Variants in CNTNAP5 observed in about 807,000 individuals in gnomAD.
CNTNAP5 encodes the protein contactin-associated protein-like 5.
A neutral mutation model predicts 150.2 loss-of-function variants in CNTNAP5; 72 were observed. That is an observed-to-expected ratio of 0.48 (90% CI 0.40 to 0.58). The LOEUF is 0.58. Among genes scored for constraint, CNTNAP5 ranks in the 20% least tolerant of loss-of-function variants. The pLI is 0.00. For missense variants in CNTNAP5, 1,636 were observed against 1,626.2 expected, an observed-to-expected ratio of 1.01 and a Z score of -0.10; for synonymous variants, 672 against 619.8, an observed-to-expected ratio of 1.08 and a Z score of -1.25.
intron 1 of CNTNAP5, among the ~76,000 whole-genome samples, chr2:124,173,853 T>C (rs147007397): frequency 1.3e-5 from 2 of 152,324 alleles, no homozygotes; most frequent in African/African-American, 4.8e-5. Flanking sequence ...AGGACTTTCA[T>C]AGCTAGAGAG....
chr2:124,837,954 A>C (rs1682863887), intron 19 of CNTNAP5, among the ~76,000 whole-genome samples: 1 of 152,120 alleles, frequency 6.6e-6, no homozygotes, highest in Non-Finnish European at 1.5e-5. Context: ...TGGAGCTCTT[A>C]AATGTGGTGC....
chr2:124,355,391 C>T (rs552340395), intron 3 of CNTNAP5, among the ~76,000 whole-genome samples: 1 of 152,168 alleles, frequency 6.6e-6, no homozygotes, highest in South Asian at 2.1e-4. Context: ...TTACCCTAAA[C>T]TTTCACAAGG....
chr2:124,170,135 A>T (rs1684895994), intron 1 of CNTNAP5, among the ~76,000 whole-genome samples: 1 of 152,202 alleles, frequency 6.6e-6, no homozygotes, highest in Admixed American at 6.5e-5. Flanking sequence ...GGACCACTAA[A>T]GGATGACACA....
intron 12 of CNTNAP5, among the ~76,000 whole-genome samples, chr2:124,630,350 C>G (rs897185651): frequency 3.9e-5 from 6 of 152,192 alleles, no homozygotes; most frequent in African/African-American, 1.4e-4. Flanking sequence ...CCAAACCCAG[C>G]AGCACATCAA....
intron 1 of CNTNAP5, among the ~76,000 whole-genome samples, chr2:124,037,027 A>G (rs1218146402): frequency 6.6e-6 from 1 of 152,216 alleles, no homozygotes; most frequent in Non-Finnish European, 1.5e-5. Flanking sequence ...GAAAACCCTC[A>G]TGTGTCTAGA....
At chr2:124,674,515 C>CTT (rs1553430177) in intron 13 of CNTNAP5, among the ~76,000 whole-genome samples, 2 of 102,874 alleles carry the variant, frequency 1.9e-5, no homozygotes, top group Non-Finnish European at 3.9e-5. Context: ...CTTTCTCTTT[C>CTT]TTTCTTTCTT....
chr2:124,230,567 TG>T (rs1378957327), intron 2 of CNTNAP5, among the ~76,000 whole-genome samples: 1 of 151,854 alleles, frequency 6.6e-6, no homozygotes, highest in Non-Finnish European at 1.5e-5. Flanking sequence ...AGTCTCACTC[TG>T]TCACCCAGGC....
intron 3 of CNTNAP5, among the ~76,000 whole-genome samples, chr2:124,366,791 A>G (rs1690383180): frequency 6.6e-6 from 1 of 152,188 alleles, no homozygotes; most frequent in African/African-American, 2.4e-5. Context: ...AAATTGAGAA[A>G]AGAGGGCTGA....
intron 2 of CNTNAP5, among the ~76,000 whole-genome samples, chr2:124,226,554 C>T (rs1181284469): frequency 1.3e-5 from 2 of 151,808 alleles, no homozygotes; most frequent in East Asian, 3.9e-4. Flanking sequence ...TGATAGTTTG[C>T]CTTTTAATTT....
intron 3 of CNTNAP5, among the ~76,000 whole-genome samples, chr2:124,404,325 C>A (rs1380373028): frequency 6.6e-6 from 1 of 152,210 alleles, no homozygotes; most frequent in Non-Finnish European, 1.5e-5. Flanking sequence ...CACCGGGATA[C>A]TTGTAATCTC....
At chr2:124,799,219 G>T (rs1333850248) in intron 19 of CNTNAP5, among the ~76,000 whole-genome samples, 1 of 152,050 alleles carries the variant, frequency 6.6e-6, no homozygotes, top group African/African-American at 2.4e-5. Context: ...AAAGCATTTG[G>T]ACAAAATGTA....
intron 18 of CNTNAP5, among the ~76,000 whole-genome samples, chr2:124,795,105 C>G (rs1406711136): frequency 6.6e-6 from 1 of 152,176 alleles, no homozygotes; most frequent in Non-Finnish European, 1.5e-5. Context: ...ATTATTAAAA[C>G]CAGCTACTGT....
At chr2:124,486,046 G>A (rs1693873336) in intron 7 of CNTNAP5, among the ~76,000 whole-genome samples, 1 of 152,086 alleles carries the variant, frequency 6.6e-6, no homozygotes, top group African/African-American at 2.4e-5. Context: ...AAAAAATATA[G>A]AACCAGCCTA....
rs771853787 is a variant in CNTNAP5 at position 124,914,084 on chromosome 2, C to T, written c.3728-8C>T. 3.1e-6 allele frequency: 5 copies of T among 1,600,342 alleles called. No individual in the cohort carries two copies. The Admixed American group carries it at 8.4e-5, about 27-fold the overall frequency. On this transcript the variant is annotated splice_region_variant and splice_polypyrimidine_tract_variant and intron_variant, in intron 23 of 23. Transcript: ENST00000682447. ...TTCCTTCTCTCTTTCCTTCCCCTTTCTCTCCAGGGGTGATAGCAGTGGTGA... is the reference window on the plus strand; with the variant it reads ...TTCCTTCTCTCTTTCCTTCCCCTTTTTCTCCAGGGGTGATAGCAGTGGTGA...
chr2:124,827,676 A>T (rs752925102), intron 19 of CNTNAP5, among the ~76,000 whole-genome samples: 2 of 152,184 alleles, frequency 1.3e-5, no homozygotes, highest in Non-Finnish European at 2.9e-5. Context: ...CTACTAGTTC[A>T]GTGTTTGTTT....
intron 1 of CNTNAP5, among the ~76,000 whole-genome samples, chr2:124,201,111 A>G (rs1685717032): frequency 6.6e-6 from 1 of 151,940 alleles, no homozygotes; most frequent in African/African-American, 2.4e-5. Flanking sequence ...GAATTTAATT[A>G]CTCCTCATTT....
chr2:124,664,949 A>G (rs992997765), intron 13 of CNTNAP5, among the ~76,000 whole-genome samples: 3 of 152,192 alleles, frequency 2.0e-5, no homozygotes, highest in Non-Finnish European at 4.4e-5. Context: ...GGCCTCCCAA[A>G]GTGCTGGGAT....
At chr2:124,092,920 G>C (rs1473658441) in intron 1 of CNTNAP5, among the ~76,000 whole-genome samples, 1 of 152,206 alleles carries the variant, frequency 6.6e-6, no homozygotes, top group African/African-American at 2.4e-5. Flanking sequence ...AGAAAGATTA[G>C]CAGTAAGTAT....
intron 11 of CNTNAP5, among the ~76,000 whole-genome samples, chr2:124,608,837 C>T (rs544786422): frequency 3.2e-4 from 48 of 151,722 alleles, no homozygotes; most frequent in African/African-American, 1.0e-3. Context: ...CTCAGCTACT[C>T]AGGAGTCCGA....
Sources: gnomAD v4.1 joint callset for allele counts (sites outside exome capture counted in the v4.1 genomes callset) on GRCh38, gnomAD v4.1.1 for gene constraint, MANE v1.5 for transcripts, NCBI Gene and HGNC (gene_info 2026-07-23, HGNC 2026-07-21) for gene names.